Variants in STPG2 observed in about 807,000 individuals in gnomAD.
The protein encoded by STPG2 is sperm-tail PG-rich repeat-containing protein 2.
A neutral mutation model predicts 54.2 loss-of-function variants in STPG2; 56 were observed. The observed-to-expected ratio is 1.03, with a 90% confidence interval of 0.83 to 1.29. The LOEUF (loss-of-function observed/expected upper bound fraction) is 1.29. Ranked by LOEUF, STPG2 falls within the 50% of genes most tolerant of loss-of-function variation. The pLI is 0.00. For synonymous variants in STPG2, 200 were observed against 181.8 expected (o/e 1.10, Z -0.81); for missense variants, 596 against 544.9 (o/e 1.09, Z -0.93).
At chr4:97,926,489 A>T (rs951585132) in intron 8 of STPG2, among the ~76,000 whole-genome samples, 6 of 152,162 alleles carry the variant, frequency 3.9e-5, no homozygotes, top group African/African-American at 1.4e-4. Context: ...TCACCATTAG[A>T]AGAACATGCT....
intron 8 of STPG2, among the ~76,000 whole-genome samples, chr4:97,895,330 A>G (rs1730917591): frequency 6.6e-6 from 1 of 151,898 alleles, no homozygotes; most frequent in African/African-American, 2.4e-5. Flanking sequence ...ATAAATCAAC[A>G]CTGATATCAC....
chr4:97,552,352 T>A (rs1408466645), intron 4 of STPG2, among the ~76,000 whole-genome samples: 1 of 152,064 alleles, frequency 6.6e-6, no homozygotes, highest in Non-Finnish European at 1.5e-5. Context: ...AAAGTGTTTA[T>A]AAAATAAAAA....
intron 7 of STPG2, among the ~76,000 whole-genome samples, chr4:97,947,462 G>C (rs975468886): frequency 2.0e-5 from 3 of 152,038 alleles, no homozygotes; most frequent in African/African-American, 7.2e-5. Context: ...AGTGGTGAAA[G>C]TGGGGATCTT....
At chr4:97,668,889 A>G (rs1340045650) in intron 10 of STPG2, among the ~76,000 whole-genome samples, 2 of 152,118 alleles carry the variant, frequency 1.3e-5, no homozygotes, top group African/African-American at 4.8e-5. Flanking sequence ...ATTTGTTTGG[A>G]TTAAGTGGTA....
intron 4 of STPG2, among the ~76,000 whole-genome samples, chr4:97,521,835 C>T (rs535987540): frequency 3.3e-5 from 5 of 151,848 alleles, no homozygotes; most frequent in Admixed American, 6.6e-5. Flanking sequence ...CCAAGCTGGG[C>T]CCTGTGATGC....
At chr4:97,910,123 AGATT>A (rs1560584716) in intron 8 of STPG2, among the ~76,000 whole-genome samples, 1 of 152,166 alleles carries the variant, frequency 6.6e-6, no homozygotes, top group African/African-American at 2.4e-5. Context: ...AGTTTTGTAG[AGATT>A]GTTATGCAGA....
intron 5 of STPG2, among the ~76,000 whole-genome samples, chr4:98,088,625 A>G (rs1316860042): frequency 6.6e-6 from 1 of 151,200 alleles, no homozygotes; most frequent in Admixed American, 6.6e-5. Context: ...TAAATAATAT[A>G]CATAGAAAAT....
intron 7 of STPG2, among the ~76,000 whole-genome samples, chr4:97,955,498 A>G (rs1181243077): frequency 6.6e-6 from 1 of 152,140 alleles, no homozygotes; most frequent in Admixed American, 6.5e-5. Flanking sequence ...TACAGGTGTG[A>G]GCCACCGCAC....
chr4:98,117,504 C>A (rs1739554796), intron 3 of STPG2, among the ~76,000 whole-genome samples: 1 of 151,904 alleles, frequency 6.6e-6, no homozygotes, highest in African/African-American at 2.4e-5. Context: ...TTCAAATATT[C>A]TCTTTTCTCC....
chr4:97,844,090 T>C (rs774140662), intron 8 of STPG2, among the ~76,000 whole-genome samples: 1 of 151,888 alleles, frequency 6.6e-6, no homozygotes, highest in Non-Finnish European at 1.5e-5. Flanking sequence ...TCAGGAGGCA[T>C]GAAACCTCCT....
chr4:97,792,997 AC>A (rs1727050270), intron 9 of STPG2, among the ~76,000 whole-genome samples: 1 of 151,910 alleles, frequency 6.6e-6, no homozygotes, highest in Non-Finnish European at 1.5e-5. Context: ...TACTAATAAT[AC>A]AAAAATTAGC....
chr4:97,800,453 A>AC (rs1243845693), intron 9 of STPG2, among the ~76,000 whole-genome samples: 1 of 152,138 alleles, frequency 6.6e-6, no homozygotes, highest in Non-Finnish European at 1.5e-5. Flanking sequence ...TCCACTCCAG[A>AC]CCCTTTTTAT....
At chr4:97,674,813 A>G (rs1287402140) in intron 10 of STPG2, among the ~76,000 whole-genome samples, 2 of 152,186 alleles carry the variant, frequency 1.3e-5, no homozygotes, top group East Asian at 3.8e-4. Flanking sequence ...AAAATGTTGC[A>G]TAAAATTCTC....
intron 5 of STPG2, among the ~76,000 whole-genome samples, chr4:98,077,225 T>TTTTTTGTTGTTGTTG (rs1553939674): frequency 2.0e-5 from 3 of 148,570 alleles, no homozygotes; most frequent in African/African-American, 5.0e-5. Flanking sequence ...CCTCAATAGT[T>TTTTTTGTTGTTGTTG]TTGTTGTTGT....
intron 4 of STPG2, among the ~76,000 whole-genome samples, chr4:97,444,644 C>T (rs1055463708): frequency 6.6e-6 from 1 of 152,032 alleles, no homozygotes; most frequent in Non-Finnish European, 1.5e-5. Flanking sequence ...GTTCATTAGA[C>T]AGAAGACTAA....
At chr4:97,828,171 A>T (rs1442508366) in intron 9 of STPG2, among the ~76,000 whole-genome samples, 1 of 152,124 alleles carries the variant, frequency 6.6e-6, no homozygotes, top group Non-Finnish European at 1.5e-5. Flanking sequence ...TGATTTCTGC[A>T]TTTCCAACTG....
chr4:97,779,277 T>C (rs1437052823), intron 9 of STPG2, among the ~76,000 whole-genome samples: 1 of 151,966 alleles, frequency 6.6e-6, no homozygotes, highest in Admixed American at 6.5e-5. Context: ...GAGAACTACA[T>C]GACAAATGTA....
intron 4 of STPG2, among the ~76,000 whole-genome samples, chr4:97,538,871 G>C (rs1047695368): frequency 1.2e-4 from 19 of 152,172 alleles, no homozygotes; most frequent in African/African-American, 4.1e-4. Flanking sequence ...AGCCAGAAGA[G>C]AGTGGGGGCC....
At position 97,459,124 on chromosome 4, in the gene STPG2, G is replaced by A. The variant is rs186645824; in HGVS notation, c.462+253575C>T. On this transcript the variant is annotated intron_variant, in intron 4 of 4. Coordinates refer to the STPG2 transcript ENST00000522676. ...GGTTACACAATATATAATTTCCTAC[G>A]AATATATTCTCCAATAATAATAATA... Among the ~76,000 whole-genome samples, 495 of 151,946 alleles carry A rather than the reference G, an allele frequency of 3.3e-3. 3 individuals carry two copies. The highest frequency in any genetic ancestry group is 9.8e-3 in the African/African-American group (406 of 41,472).
Sources: allele counts gnomAD v4.1 joint callset (sites outside exome capture counted in the v4.1 genomes callset), GRCh38; gene constraint gnomAD v4.1.1; transcripts MANE v1.5; gene names NCBI Gene and HGNC (gene_info 2026-07-23, HGNC 2026-07-21).